The following TIAM1 variants were observed in gnomAD, a reference collection of about 807,000 sequenced individuals.
TIAM1 encodes rho guanine nucleotide exchange factor TIAM1.
Under a neutral mutation model 163.5 loss-of-function variants are expected in TIAM1, and 65 were observed. That is an observed-to-expected ratio of 0.40 (90% CI 0.33 to 0.49). The LOEUF (loss-of-function observed/expected upper bound fraction) is 0.49. Among genes scored for constraint, TIAM1 ranks in the 20% least tolerant of loss-of-function variants. The pLI is 0.77. For synonymous variants in TIAM1, 833 were observed against 810.1 expected (o/e 1.03, Z -0.48); for missense variants, 1,789 against 2,044.7 (o/e 0.87, Z 2.41).
At chr21:31,195,826 G>C (rs1206542370) in intron 12 of TIAM1, among the ~76,000 whole-genome samples, 1 of 152,080 alleles carries the variant, frequency 6.6e-6, no homozygotes, top group African/African-American at 2.4e-5. Flanking sequence ...CTAGAAAACT[G>C]AAGTACACAA....
At chr21:31,488,817 G>T (rs2046360153) in intron 1 of TIAM1, among the ~76,000 whole-genome samples, 2 of 152,052 alleles carry the variant, frequency 1.3e-5, no homozygotes, top group South Asian at 4.1e-4. Context: ...ATCTTATCCG[G>T]AAGGGAGAGG....
chr21:31,227,208 C>T (rs913416339), intron 6 of TIAM1, among the ~76,000 whole-genome samples: 7 of 152,044 alleles, frequency 4.6e-5, no homozygotes, highest in South Asian at 2.1e-4. Flanking sequence ...CCACCCGCCT[C>T]GGCCTCCCAA....
intron 4 of TIAM1, among the ~76,000 whole-genome samples, chr21:31,263,405 T>G (rs1164503511): frequency 6.6e-6 from 1 of 152,220 alleles, no homozygotes; most frequent in Non-Finnish European, 1.5e-5. Flanking sequence ...TACATTAAGC[T>G]GCCTAAGCAG....
At chr21:31,289,190 G>T (rs574177098) in intron 2 of TIAM1, among the ~76,000 whole-genome samples, 1 of 152,200 alleles carries the variant, frequency 6.6e-6, no homozygotes, top group African/African-American at 2.4e-5. Context: ...CTCAGGCAAT[G>T]CCCTGGTTTA....
rs146961212 is a variant in TIAM1, at chr21:31,411,723, G to A, written c.-369+52260C>T. 2.6e-3 allele frequency among the ~76,000 whole-genome samples: 393 copies of A among 152,198 alleles called. 1 individual carries two copies. Among genetic ancestry groups the A allele is most frequent in the African/African-American group, 9.1e-3 (377 of 41,540 alleles). ...ACTCCTGGCCTCAAGTGATCCATCC[G>A]TCTTGGCCTCCCAAAGGGCTGGGAT... On this transcript the variant is annotated intron_variant, in intron 2 of 28. Coordinates refer to the TIAM1 transcript ENST00000286827.
In TIAM1 at chr21:31,257,632, C is replaced by T. The variant is rs538122099; in HGVS notation, c.964-5443G>A. Among the ~76,000 whole-genome samples, 12 of 152,196 alleles carry T rather than the reference C, an allele frequency of 7.9e-5. No homozygotes were observed. In the South Asian group the frequency reaches 2.1e-3, roughly 26 times the overall value. ...CCCATCTTCCTTCCATCAATCCATC[C>T]GGCACACCACTGCCAGGTAAATGTT... On this transcript the variant is annotated intron_variant, in intron 4 of 27. Coordinates refer to ENST00000541036, the MANE Select transcript of TIAM1 (RefSeq NM_001353694.2).
intron 4 of TIAM1, among the ~76,000 whole-genome samples, chr21:31,260,354 C>T (rs1353634471): frequency 6.6e-6 from 1 of 151,334 alleles, no homozygotes; most frequent in Non-Finnish European, 1.5e-5. Flanking sequence ...TCTGGTGCCT[C>T]AGCCTCTCGA....
At chr21:31,368,698 G>T (rs900235181) in intron 2 of TIAM1, among the ~76,000 whole-genome samples, 2 of 152,154 alleles carry the variant, frequency 1.3e-5, no homozygotes, top group African/African-American at 4.8e-5. Context: ...AGAAGAAAAG[G>T]ACGGGAGAAA....
intron 2 of TIAM1, among the ~76,000 whole-genome samples, chr21:31,375,235 G>GA (rs997983077): frequency 6.6e-6 from 1 of 151,842 alleles, no homozygotes; most frequent in African/African-American, 2.4e-5. Flanking sequence ...CTGTTTAATA[G>GA]AAAAAAAAGT....
At chr21:31,373,055 CAA>C (rs71193110) in intron 2 of TIAM1, among the ~76,000 whole-genome samples, 9 of 104,650 alleles carry the variant, frequency 8.6e-5, no homozygotes, top group Non-Finnish European at 1.2e-4. Flanking sequence ...AACTCTGTCT[CAA>C]AAAAAAAAAA....
chr21:31,546,352 C>T (rs1235756346), intron 1 of TIAM1, among the ~76,000 whole-genome samples: 2 of 151,960 alleles, frequency 1.3e-5, no homozygotes, highest in African/African-American at 4.8e-5. Flanking sequence ...GAGTTCGAGA[C>T]CAGCCTGGCC....
chr21:31,365,739 T>A (rs1429881571), intron 2 of TIAM1, among the ~76,000 whole-genome samples: 2 of 152,014 alleles, frequency 1.3e-5, no homozygotes, highest in African/African-American at 4.8e-5. Flanking sequence ...ACCTGGAACA[T>A]AACAGGTGCT....
chr21:31,153,635 T>C (rs1489367199), intron 17 of TIAM1, among the ~76,000 whole-genome samples: 1 of 152,222 alleles, frequency 6.6e-6, no homozygotes, highest in African/African-American at 2.4e-5. Flanking sequence ...GGCTAGATTC[T>C]AATTAGATTA....
chr21:31,154,916 A>G (rs1341185932), intron 16 of TIAM1, among the ~76,000 whole-genome samples: 1 of 152,232 alleles, frequency 6.6e-6, no homozygotes, highest in Non-Finnish European at 1.5e-5. Flanking sequence ...CTACTTTGCA[A>G]TGTTGCAAAG....
Position 31,251,895 on chromosome 21 carries a change from G to C in TIAM1, c.1258C>G (p.Pro420Ala), listed in dbSNP as rs1334631879. Residue 420 changes from proline (P) to alanine (A), a missense_variant, in exon 5 of 28, where the codon CCG becomes GCG. Pro to Ala is a conservative substitution (Grantham distance 27). This residue lies in a region of TIAM1 where 555 missense variants were observed against 564.9 expected (regional missense o/e 0.98). Transcript: ENST00000541036. ...DEQSSGTLSS[P>A]GQSDILLTAA... is the part of the protein sequence containing the mutation. ...GTCAGCAGGATGTCCGACTGGCCCG[G>C]AGAGCTCAGGGTGCCGCTGCTCTGC... 6 of 1,613,726 alleles carry C rather than the reference G, an allele frequency of 3.7e-6. No individual in the cohort carries two copies. The highest frequency in any genetic ancestry group is 5.1e-6 in the Non-Finnish European group (6 of 1,179,926).
intron 2 of TIAM1, among the ~76,000 whole-genome samples, chr21:31,338,888 G>A (rs866809006): frequency 7.9e-5 from 12 of 152,116 alleles, no homozygotes; most frequent in Non-Finnish European, 1.5e-4. Context: ...AAACCAGCAC[G>A]TTGATACCAA....
At position 31,473,061 on chromosome 21, in the gene TIAM1, G is replaced by A. The variant is rs1201361303; in HGVS notation, c.-421-9026C>T. On this transcript the variant is annotated intron_variant, in intron 1 of 28. Transcript: ENST00000286827. ...GGCAAGGGAATGGCCTCGGTAAACA[G>A]AAAGATGCTGTGGAGTTTCAGGCAT... is the stretch of plus-strand genomic sequence containing the variant. Among the ~76,000 whole-genome samples, 4 of 152,162 alleles carry A rather than the reference G, an allele frequency of 2.6e-5. No individual in the cohort carries two copies. In the East Asian group the frequency reaches 5.8e-4, roughly 22 times the overall value.
intron 2 of TIAM1, among the ~76,000 whole-genome samples, chr21:31,381,231 G>A (rs2076774211): frequency 1.3e-5 from 2 of 152,130 alleles, no homozygotes; most frequent in East Asian, 1.9e-4. Context: ...TAATCCCTAA[G>A]GTGATGGTAT....
At chr21:31,377,679 A>T (rs1365310145) in intron 2 of TIAM1, among the ~76,000 whole-genome samples, 1 of 152,194 alleles carries the variant, frequency 6.6e-6, no homozygotes, top group East Asian at 1.9e-4. Context: ...GTTATCTAGC[A>T]GGTTTCTGTC....
Sources: gnomAD v4.1 joint callset for allele counts (sites outside exome capture counted in the v4.1 genomes callset) on GRCh38, gnomAD v4.1.1 for gene constraint, gnomAD v4.1.1 regional missense constraint, MANE v1.5 for transcripts, NCBI Gene and HGNC (gene_info 2026-07-23, HGNC 2026-07-21) for gene names.